ATP10B: variants seen among roughly 807,000 people sequenced by gnomAD.
ATP10B encodes the protein phospholipid-transporting ATPase VB.
In ATP10B, 122 loss-of-function variants were observed where a neutral mutation model predicts 141.2. That is an observed-to-expected ratio of 0.86 (90% CI 0.75 to 1.00). The LOEUF is 1.00. Among genes scored for constraint, ATP10B ranks in the 50% least tolerant of loss-of-function variants. The pLI is 0.00. For synonymous variants in ATP10B, 685 were observed against 692.0 expected (o/e 0.99, Z 0.16); for missense variants, 1,876 against 1,825.3 (o/e 1.03, Z -0.51).
chr5:160,652,043 T>C (rs1760776771), intron 7 of ATP10B, among the ~76,000 whole-genome samples: 1 of 152,144 alleles, frequency 6.6e-6, no homozygotes, highest in African/African-American at 2.4e-5. Flanking sequence ...TCGGAGTCCC[T>C]GCTGCCTGTT....
At chr5:160,878,042 C>T in the ATP10B span, among the ~76,000 whole-genome samples, 1 of 151,874 alleles carries the variant, frequency 6.6e-6, no homozygotes, top group Non-Finnish European at 1.5e-5. Flanking sequence ...CTTTAAAGTT[C>T]ATATGGAACC....
chr5:160,876,418 C>G, the ATP10B span, among the ~76,000 whole-genome samples: 1 of 149,598 alleles, frequency 6.7e-6, no homozygotes, highest in South Asian at 2.2e-4. Context: ...CACTAAATGC[C>G]CACAAGAGAA....
rs568646119 is a variant in ATP10B at position 160,731,661 on chromosome 5, T to A, written c.-330-14627A>T. Among the ~76,000 whole-genome samples the A allele has an allele frequency of 2.0e-5, 3 of 152,282 alleles. No homozygotes were observed. The South Asian group carries it at 6.2e-4, about 32-fold the overall frequency. On this transcript the variant is annotated intron_variant, in intron 2 of 25. Coordinates refer to ENST00000327245, the MANE Select transcript of ATP10B (RefSeq NM_025153.3). ...AGTACTGGTGGAAAAATGTCTGTCT[T>A]TATGATATGAATAACTAGGGAACTA...
chr5:160,796,104 A>G (rs1771934107), intron 1 of ATP10B, among the ~76,000 whole-genome samples: 1 of 152,154 alleles, frequency 6.6e-6, no homozygotes, highest in Non-Finnish European at 1.5e-5. Flanking sequence ...ATTGATGTAT[A>G]TTTAGAGTAA....
intron 7 of ATP10B, among the ~76,000 whole-genome samples, chr5:160,669,869 G>A (rs186467503): frequency 1.6e-5 from 2 of 126,396 alleles, no homozygotes; most frequent in African/African-American, 3.0e-5. Flanking sequence ...CTGCCAAAAT[G>A]CTGGGATTAC....
At chr5:160,570,505 T>C (rs1449179448) in intron 24 of ATP10B, among the ~76,000 whole-genome samples, 2 of 152,200 alleles carry the variant, frequency 1.3e-5, no homozygotes, top group African/African-American at 4.8e-5. Context: ...CAAGCAAACT[T>C]ACTGCAGTCT....
intron 2 of ATP10B, among the ~76,000 whole-genome samples, chr5:160,779,610 T>G (rs1222178858): frequency 2.0e-5 from 3 of 152,184 alleles, no homozygotes; most frequent in African/African-American, 4.8e-5. Flanking sequence ...CAGTTGAGCC[T>G]TCAGGTGGGC....
intron 15 of ATP10B, among the ~76,000 whole-genome samples, chr5:160,619,526 C>T (rs1375097366): frequency 6.6e-6 from 1 of 152,168 alleles, no homozygotes; most frequent in Non-Finnish European, 1.5e-5. Context: ...TCCCATTCTA[C>T]ACACTAATCA....
the ATP10B span, among the ~76,000 whole-genome samples, chr5:160,878,427 A>T: frequency 6.6e-6 from 1 of 152,098 alleles, no homozygotes; most frequent in Non-Finnish European, 1.5e-5. Context: ...AACCATAAAA[A>T]CCCTAGAAGA....
At chr5:160,769,023 G>A (rs752685009) in intron 2 of ATP10B, among the ~76,000 whole-genome samples, 1 of 152,132 alleles carries the variant, frequency 6.6e-6, no homozygotes, top group African/African-American at 2.4e-5. Flanking sequence ...TACACACAAG[G>A]CCACGCTGAC....
At chr5:160,721,309 G>A (rs1383853263) in intron 2 of ATP10B, among the ~76,000 whole-genome samples, 1 of 151,980 alleles carries the variant, frequency 6.6e-6, no homozygotes, top group Non-Finnish European at 1.5e-5. Flanking sequence ...AGGTTTTGAG[G>A]TACAAAATAG....
chr5:160,769,483 A>T (rs1261912644), intron 2 of ATP10B, among the ~76,000 whole-genome samples: 1 of 152,212 alleles, frequency 6.6e-6, no homozygotes, highest in Non-Finnish European at 1.5e-5. Context: ...GCGCCTTTAC[A>T]GCCAATAGCC....
In ATP10B at chr5:160,638,121, A is replaced by G. The variant is rs542954181; in HGVS notation, c.1001-1812T>C. Among the ~76,000 whole-genome samples the G allele has an allele frequency of 3.9e-5, 6 of 152,322 alleles. No homozygotes were observed. In the East Asian group the frequency reaches 9.7e-4, roughly 25 times the overall value. On this transcript the variant is annotated intron_variant, in intron 10 of 25. Coordinates refer to ENST00000327245, the MANE Select transcript of ATP10B (RefSeq NM_025153.3). ...CAAAATCAAAGTAAACATGTGGTCA[A>G]GAACTGTGGAATGGTGCTCATTTGA...
intron 23 of ATP10B, 112 bp from the exon 24 acceptor site, chr5:160,589,808 A>G (rs1037121982): frequency 3.0e-5 from 23 of 755,078 alleles, no homozygotes; most frequent in African/African-American, 2.7e-4. Flanking sequence ...AGAAGGAGGT[A>G]CCCAGCTGCC....
intron 2 of ATP10B, among the ~76,000 whole-genome samples, chr5:160,721,057 A>G (rs917724942): frequency 1.3e-5 from 2 of 152,052 alleles, no homozygotes; most frequent in East Asian, 1.9e-4. Context: ...GTGTGTAAAT[A>G]TTTATAATAA....
chr5:160,754,891 T>A (rs1201142112), intron 2 of ATP10B, among the ~76,000 whole-genome samples: 1 of 152,200 alleles, frequency 6.6e-6, no homozygotes, highest in Non-Finnish European at 1.5e-5. Flanking sequence ...TTATTTCATT[T>A]TTCTACGGTT....
the ATP10B span, among the ~76,000 whole-genome samples, chr5:160,895,187 C>G: frequency 6.6e-6 from 1 of 151,820 alleles, no homozygotes; most frequent in Admixed American, 6.6e-5. Context: ...ATGACAGGAT[C>G]AAATTCACAC....
At chr5:160,805,056 A>T (rs766631461) in intron 1 of ATP10B, among the ~76,000 whole-genome samples, 7 of 152,206 alleles carry the variant, frequency 4.6e-5, no homozygotes, top group Non-Finnish European at 8.8e-5. Flanking sequence ...TGCAGCTCAA[A>T]CCTGTGCTAT....
At chr5:160,579,759 A>G (rs1755426077) in intron 24 of ATP10B, among the ~76,000 whole-genome samples, 1 of 152,190 alleles carries the variant, frequency 6.6e-6, no homozygotes, top group Non-Finnish European at 1.5e-5. Context: ...TTTGGGCAGT[A>G]TGGCCATTTT....
Sources: gnomAD v4.1 joint callset for allele counts (sites outside exome capture counted in the v4.1 genomes callset) on GRCh38, gnomAD v4.1.1 for gene constraint, MANE v1.5 for transcripts, NCBI Gene and HGNC (gene_info 2026-07-23, HGNC 2026-07-21) for gene names.